Variants in ROBO1 observed in about 807,000 individuals in gnomAD.
ROBO1 encodes roundabout homolog 1.
Under a neutral mutation model 195.9 loss-of-function variants are expected in ROBO1, and 149 were observed. The ratio of observed to expected loss-of-function variants is 0.76; its 90% CI spans 0.67 to 0.87. The LOEUF (loss-of-function observed/expected upper bound fraction) is 0.87. Ranked by LOEUF, ROBO1 falls within the 40% of genes least tolerant of loss-of-function variation. The pLI, the probability that ROBO1 is intolerant of heterozygous loss-of-function variation, is 0.00. For missense variants in ROBO1, 1,933 were observed against 2,068.3 expected, an observed-to-expected ratio of 0.93 and a Z score of 1.27; for synonymous variants, 816 against 733.2, an observed-to-expected ratio of 1.11 and a Z score of -1.82.
rs147377806 is a variant in ROBO1 at position 78,912,326 on chromosome 3, G to A, written c.499+26275C>T. The stretch of plus-strand genomic sequence containing the variant: ...TACTAATAAGCAACATATCAGCTGC[G>A]AGGTGAGACTACATTGAAAAAGATG... On this transcript the variant is annotated intron_variant, in intron 4 of 30. Coordinates refer to ENST00000464233, the MANE Select transcript of ROBO1 (RefSeq NM_002941.4). 6.2e-3 allele frequency among the ~76,000 whole-genome samples: 942 copies of A among 152,074 alleles called. 7 individuals are homozygous for A. The highest frequency in any genetic ancestry group is 0.021 in the African/African-American group (878 of 41,530).
chr3:78,719,496 C>T (rs1247369505), intron 5 of ROBO1, among the ~76,000 whole-genome samples: 2 of 147,632 alleles, frequency 1.4e-5, no homozygotes, highest in Non-Finnish European at 3.0e-5. Flanking sequence ...TATATATACA[C>T]ATTTACCATG....
chr3:78,825,245 G>T (rs1219195872), intron 4 of ROBO1, among the ~76,000 whole-genome samples: 1 of 152,148 alleles, frequency 6.6e-6, no homozygotes, highest in Non-Finnish European at 1.5e-5. Flanking sequence ...AACATAATAT[G>T]CCAAGGAAGC....
chr3:79,764,763 C>G (rs1406563886), intron 1 of ROBO1, among the ~76,000 whole-genome samples: 1 of 152,122 alleles, frequency 6.6e-6, no homozygotes, highest in Non-Finnish European at 1.5e-5. Flanking sequence ...CATCTCTGGT[C>G]AATGTTATTT....
At chr3:79,436,161 A>G (rs1575823095) in intron 2 of ROBO1, among the ~76,000 whole-genome samples, 2 of 152,198 alleles carry the variant, frequency 1.3e-5, no homozygotes, top group Admixed American at 6.5e-5. Context: ...CATTTAAACT[A>G]AATTTTAATA....
intron 4 of ROBO1, among the ~76,000 whole-genome samples, chr3:78,888,769 CATG>C (rs1375635931): frequency 2.6e-5 from 4 of 152,108 alleles, no homozygotes; most frequent in African/African-American, 9.7e-5. Flanking sequence ...TGTTTCAGGT[CATG>C]GTGATCCAAC....
intron 3 of ROBO1, among the ~76,000 whole-genome samples, chr3:79,003,648 C>T (rs73851610): frequency 0.016 from 2,418 of 152,142 alleles, 66 homozygotes; most frequent in African/African-American, 0.054. Flanking sequence ...TACTGTGAAA[C>T]ATAATGAAAA....
chr3:79,737,528 G>T lies in ROBO1; in HGVS notation c.-51+30224C>A, dbSNP rs114315927. Among the ~76,000 whole-genome samples, 793 of 152,162 alleles carry T rather than the reference G, an allele frequency of 5.2e-3. 9 individuals carry two copies. Among genetic ancestry groups the T allele is most frequent in the African/African-American group, 0.018 (752 of 41,528 alleles). On this transcript the variant is annotated intron_variant, in intron 1 of 30. Coordinates refer to ENST00000464233, the MANE Select transcript of ROBO1 (RefSeq NM_002941.4). Reference sequence around the variant, plus strand: ...GAACACAGAAGTGAGCAAAAGAAAAGAATTTCTCTAAATCTTAACTTATAT... The same window carrying T: ...GAACACAGAAGTGAGCAAAAGAAAATAATTTCTCTAAATCTTAACTTATAT...
chr3:79,617,765 T>C (rs1356653850), intron 1 of ROBO1, among the ~76,000 whole-genome samples: 1 of 134,832 alleles, frequency 7.4e-6, no homozygotes, highest in African/African-American at 2.9e-5. Flanking sequence ...GAAAGCTCAA[T>C]GAGATGCAAG....
At chr3:78,932,385 A>G (rs2107653247) in intron 4 of ROBO1, among the ~76,000 whole-genome samples, 1 of 152,316 alleles carries the variant, frequency 6.6e-6, no homozygotes, top group East Asian at 1.9e-4. Flanking sequence ...TTCAGCATGT[A>G]TGAATATCAG....
At chr3:79,356,820 C>T (rs906978341) in intron 2 of ROBO1, among the ~76,000 whole-genome samples, 9 of 152,070 alleles carry the variant, frequency 5.9e-5, no homozygotes, top group African/African-American at 2.2e-4. Context: ...GCATTCAGGG[C>T]AGGTTCATCA....
intron 2 of ROBO1, among the ~76,000 whole-genome samples, chr3:79,196,652 C>T (rs954774986): frequency 5.9e-5 from 9 of 151,626 alleles, no homozygotes; most frequent in African/African-American, 1.9e-4. Context: ...GAAGCTGAGC[C>T]TCATAGGAGA....
At chr3:79,256,575 A>C (rs965974925) in intron 2 of ROBO1, among the ~76,000 whole-genome samples, 3 of 152,180 alleles carry the variant, frequency 2.0e-5, no homozygotes, top group African/African-American at 7.2e-5. Context: ...AAAACTAAGA[A>C]AATAATATTA....
intron 4 of ROBO1, among the ~76,000 whole-genome samples, chr3:78,850,750 C>T (rs2034001889): frequency 6.6e-6 from 1 of 152,100 alleles, no homozygotes. Context: ...TGGGGTACCA[C>T]TCAATGCAGT....
At chr3:78,643,376 C>T (rs752643565) in intron 21 of ROBO1, among the ~76,000 whole-genome samples, 1 of 152,124 alleles carries the variant, frequency 6.6e-6, no homozygotes, top group Admixed American at 6.6e-5. Context: ...AAAAGATAAC[C>T]GCATCACCTT....
At chr3:79,007,478 T>C (rs991963669) in intron 3 of ROBO1, among the ~76,000 whole-genome samples, 7 of 152,116 alleles carry the variant, frequency 4.6e-5, no homozygotes, top group African/African-American at 1.2e-4. Context: ...AAAATACACA[T>C]AGCATTATAT....
chr3:78,837,512 C>G (rs2032842532), intron 4 of ROBO1, among the ~76,000 whole-genome samples: 1 of 151,962 alleles, frequency 6.6e-6, no homozygotes, highest in East Asian at 1.9e-4. Flanking sequence ...TTATTAAATT[C>G]TAAGAGAAAA....
Position 78,617,939 on chromosome 3 carries a change from C to A in ROBO1, c.3978G>T (p.Ala1326=), listed in dbSNP as rs775159753. 9 of 1,613,812 alleles carry A rather than the reference C, an allele frequency of 5.6e-6. No individual in the cohort carries two copies. The highest frequency in any genetic ancestry group is 1.3e-5 in the African/African-American group (1 of 74,898). ...GPLVSDMDTD[A]PEEEEDEADM... ...CGGCTTCGTCTTCTTCCTCTTCTGG[C>A]GCATCCGTATCCATATCTGAGACCA... is the stretch of plus-strand genomic sequence containing the variant. Residue 1326 remains alanine (A), a synonymous_variant, in exon 27 of 31, where the codon GCG becomes GCT. Coordinates refer to ENST00000464233, the MANE Select transcript of ROBO1 (RefSeq NM_002941.4).
intron 10 of ROBO1, among the ~76,000 whole-genome samples, chr3:78,670,784 C>T (rs953499336): frequency 6.6e-6 from 1 of 152,168 alleles, no homozygotes; most frequent in Admixed American, 6.5e-5. Context: ...GCATGTTTAA[C>T]AATTTTGGAT....
intron 2 of ROBO1, among the ~76,000 whole-genome samples, chr3:79,553,052 C>G (rs959099819): frequency 9.2e-5 from 14 of 151,920 alleles, no homozygotes; most frequent in African/African-American, 3.4e-4. Context: ...GTGTGAAATT[C>G]TTCTTTAGGT....
Sources: gnomAD v4.1 joint callset for allele counts (sites outside exome capture counted in the v4.1 genomes callset) on GRCh38, gnomAD v4.1.1 for gene constraint, MANE v1.5 for transcripts, NCBI Gene and HGNC (gene_info 2026-07-23, HGNC 2026-07-21) for gene names.